The following NEK10 variants were observed in gnomAD, a reference collection of about 807,000 sequenced individuals.
NEK10 encodes serine/threonine-protein kinase Nek10.
Under a neutral mutation model 159.8 loss-of-function variants are expected in NEK10, and 122 were observed. That is an observed-to-expected ratio of 0.76 (90% confidence interval 0.66 to 0.89). The LOEUF (loss-of-function observed/expected upper bound fraction) is 0.89. Ranked by LOEUF, NEK10 falls within the 40% of genes least tolerant of loss-of-function variation. The probability of loss-of-function intolerance (pLI) is 0.00; values close to 1 mark genes in which losing one functional copy is unlikely to be tolerated. For synonymous variants in NEK10, 466 were observed against 457.1 expected (o/e 1.02, Z -0.25); for missense variants, 1,342 against 1,323.1 (o/e 1.01, Z -0.22).
intron 19 of NEK10, 78 bp downstream of exon 19, chr3:27,290,539 C>T (rs190273060): frequency 2.0e-4 from 210 of 1,074,668 alleles, no homozygotes; most frequent in Admixed American, 7.7e-4. Flanking sequence ...GCAGCATGGA[C>T]AAGAGCACCA....
At chr3:27,224,247 C>T (rs182312321) in intron 23 of NEK10, among the ~76,000 whole-genome samples, 1 of 152,334 alleles carries the variant, frequency 6.6e-6, no homozygotes, top group East Asian at 1.9e-4. Context: ...TGGACAGTCC[C>T]ATTTCTTAAC....
At chr3:27,184,971 A>G (rs778193307) in intron 26 of NEK10, among the ~76,000 whole-genome samples, 9 of 152,202 alleles carry the variant, frequency 5.9e-5, no homozygotes, top group Non-Finnish European at 1.2e-4. Context: ...CATTAAAAAA[A>G]TGAGAATCTA....
intron 22 of NEK10, among the ~76,000 whole-genome samples, chr3:27,280,059 T>G (rs1392175444): frequency 6.7e-6 from 1 of 148,642 alleles, no homozygotes; most frequent in East Asian, 2.0e-4. Flanking sequence ...TGACCATATG[T>G]TTTTATCTCC....
At chr3:27,274,421 T>G (rs1432583821) in intron 22 of NEK10, among the ~76,000 whole-genome samples, 1 of 152,114 alleles carries the variant, frequency 6.6e-6, no homozygotes, top group Admixed American at 6.6e-5. Context: ...TGTCCTTAGC[T>G]CAGACTCAAA....
Position 27,254,846 on chromosome 3 carries a change from G to A in NEK10, c.2090+1450C>T, listed in dbSNP as rs140385566. ...AATGAAAATGTGAAGCCGTGTTTGC[G>A]CTAATACGGCAAAAAAGTTGGCATG... is the stretch of plus-strand genomic sequence containing the variant. On this transcript the variant is annotated intron_variant, in intron 23 of 35. Transcript: ENST00000691995. 5.7e-3 allele frequency among the ~76,000 whole-genome samples: 864 copies of A among 151,892 alleles called. 9 individuals carry two copies. Among genetic ancestry groups the A allele is most frequent in the African/African-American group, 0.02 (825 of 41,378 alleles).
At chr3:27,368,849 G>A (rs1256351476) in intron 1 of NEK10, among the ~76,000 whole-genome samples, 2 of 152,166 alleles carry the variant, frequency 1.3e-5, no homozygotes, top group South Asian at 4.1e-4. Flanking sequence ...CATCCTGTAA[G>A]GAGAAGGCAG....
At chr3:27,321,465 G>T (rs1212160857) in intron 6 of NEK10, among the ~76,000 whole-genome samples, 2 of 152,178 alleles carry the variant, frequency 1.3e-5, no homozygotes, top group African/African-American at 4.8e-5. Flanking sequence ...GAGGTCAGGG[G>T]TTTGAGACCA....
At chr3:27,346,301 G>C (rs1022674556) in intron 3 of NEK10, 85 bp from the exon 4 acceptor site, 5 of 1,422,048 alleles carry the variant, frequency 3.5e-6, no homozygotes, top group Middle Eastern at 1.8e-4. Context: ...AGGATGAAGA[G>C]ACTGAGATTT....
At chr3:27,130,341 C>T (rs1012825900) in intron 32 of NEK10, among the ~76,000 whole-genome samples, 4 of 152,046 alleles carry the variant, frequency 2.6e-5, no homozygotes, top group African/African-American at 9.7e-5. Flanking sequence ...TTTTCCCAGA[C>T]GAGGTGTATC....
chr3:27,166,294 C>G (rs1207839975), intron 29 of NEK10, among the ~76,000 whole-genome samples: 1 of 152,162 alleles, frequency 6.6e-6, no homozygotes, highest in Non-Finnish European at 1.5e-5. Flanking sequence ...CCTCCTACTC[C>G]AATAACAGCT....
intron 1 of NEK10, among the ~76,000 whole-genome samples, chr3:27,360,333 A>G (rs971890960): frequency 2.0e-5 from 3 of 152,236 alleles, no homozygotes; most frequent in Admixed American, 6.5e-5. Context: ...CACACATGAG[A>G]AGGCACATTC....
intron 32 of NEK10, among the ~76,000 whole-genome samples, chr3:27,120,590 G>A (rs970522254): frequency 2.6e-5 from 4 of 151,702 alleles, no homozygotes; most frequent in Admixed American, 6.6e-5. Context: ...TTGGCCTTCC[G>A]AAGTGCTGGG....
chr3:27,125,259 A>T (rs1941811200), intron 32 of NEK10, among the ~76,000 whole-genome samples: 2 of 152,190 alleles, frequency 1.3e-5, no homozygotes, highest in Admixed American at 1.3e-4. Context: ...AAGAAACTAT[A>T]CATGTAATAT....
At chr3:27,275,465 C>T (rs2041700753) in intron 22 of NEK10, among the ~76,000 whole-genome samples, 1 of 152,178 alleles carries the variant, frequency 6.6e-6, no homozygotes, top group Non-Finnish European at 1.5e-5. Context: ...ATCCTTCTTA[C>T]AACAGTTGCT....
intron 22 of NEK10, among the ~76,000 whole-genome samples, chr3:27,258,019 A>C (rs1956394732): frequency 6.6e-6 from 1 of 151,610 alleles, no homozygotes; most frequent in Non-Finnish European, 1.5e-5. Context: ...GATGGTCTCG[A>C]TCTCCTGACC....
At chr3:27,148,531 C>G (rs1190687614) in intron 30 of NEK10, among the ~76,000 whole-genome samples, 1 of 152,146 alleles carries the variant, frequency 6.6e-6, no homozygotes, top group Non-Finnish European at 1.5e-5. Flanking sequence ...ATAATTGGCC[C>G]TTCTGTCACT....
intron 7 of NEK10, among the ~76,000 whole-genome samples, chr3:27,312,594 G>T (rs1211785461): frequency 6.6e-6 from 1 of 152,022 alleles, no homozygotes; most frequent in Non-Finnish European, 1.5e-5. Flanking sequence ...ACGTATATAA[G>T]CTCTGAATAT....
chr3:27,262,562 C>G (rs1166415453), intron 22 of NEK10, among the ~76,000 whole-genome samples: 6 of 152,160 alleles, frequency 3.9e-5, no homozygotes, highest in Admixed American at 2.0e-4. Context: ...AACTTCTCTT[C>G]TCGCTTCATT....
chr3:27,276,762 CT>C (rs1198661806), intron 22 of NEK10, among the ~76,000 whole-genome samples: 3 of 152,148 alleles, frequency 2.0e-5, no homozygotes, highest in Non-Finnish European at 4.4e-5. Context: ...TCCCAAATAA[CT>C]GCTGAATTGA....
Sources: allele counts gnomAD v4.1 joint callset (sites outside exome capture counted in the v4.1 genomes callset), GRCh38; gene constraint gnomAD v4.1.1; transcripts MANE v1.5; gene names NCBI Gene and HGNC (gene_info 2026-07-23, HGNC 2026-07-21).